The following MTFR1 variants were observed in gnomAD, a reference collection of about 807,000 sequenced individuals.
MTFR1 encodes mitochondrial fission regulator 1, also known as chondrocyte protein with a poly-proline region.
In MTFR1, 28 loss-of-function variants were observed where a neutral mutation model predicts 38.8. That is an observed-to-expected ratio of 0.72 (90% confidence interval 0.53 to 0.99). The LOEUF (loss-of-function observed/expected upper bound fraction) is 0.99. Among genes scored for constraint, MTFR1 ranks in the 50% least tolerant of loss-of-function variants. MTFR1 has a pLI of 0.00. For synonymous variants in MTFR1, 145 were observed against 137.0 expected (o/e 1.06, Z -0.41); for missense variants, 358 against 395.5 (o/e 0.91, Z 0.81).
At chr8:65,769,414 T>C (rs1808965378) in intron 3 of MTFR1, among the ~76,000 whole-genome samples, 1 of 152,204 alleles carries the variant, frequency 6.6e-6, no homozygotes, top group Non-Finnish European at 1.5e-5. Context: ...AAACTAACCC[T>C]GAGAGCATAT....
At chr8:65,749,064 C>T (rs958419957) in intron 3 of MTFR1, among the ~76,000 whole-genome samples, 1 of 152,182 alleles carries the variant, frequency 6.6e-6, no homozygotes, top group Non-Finnish European at 1.5e-5. Flanking sequence ...CTGTCACCTT[C>T]CCTGGGAAGC....
intron 4 of MTFR1, among the ~76,000 whole-genome samples, chr8:65,701,147 A>G (rs763507861): frequency 2.2e-4 from 33 of 152,264 alleles, no homozygotes; most frequent in Non-Finnish European, 3.8e-4. Flanking sequence ...TCTTTCTCTA[A>G]TATCTGCCCT....
chr8:65,683,132 C>CTTTTTTTTTTTTTTTT (rs748824241), intron 3 of MTFR1, among the ~76,000 whole-genome samples: 1 of 121,686 alleles, frequency 8.2e-6, no homozygotes, highest in Non-Finnish European at 1.7e-5. Context: ...TTCTTTCTTT[C>CTTTTTTTTTTTTTTTT]TTTTTTTTTT....
intron 3 of MTFR1, among the ~76,000 whole-genome samples, chr8:65,734,177 C>G (rs1807026881): frequency 6.6e-6 from 1 of 152,172 alleles, no homozygotes; most frequent in Admixed American, 6.5e-5. Flanking sequence ...TTCTGCTCTA[C>G]ATTCCTCCTC....
At chr8:65,724,196 T>C in intron 3 of MTFR1, 4 of 1,044,486 alleles carry the variant, frequency 3.8e-6, no homozygotes, top group Non-Finnish European at 6.0e-6. Flanking sequence ...ATTTTATTCT[T>C]ACGATGTTAA....
intron 3 of MTFR1, chr8:65,724,855 A>G (rs778699076): frequency 4.3e-6 from 7 of 1,611,440 alleles, no homozygotes; most frequent in Middle Eastern, 1.7e-4. Context: ...ACAAAGACAG[A>G]TACTCATTCT....
At chr8:65,650,039 A>C (rs1052965145) in intron 1 of MTFR1, among the ~76,000 whole-genome samples, 1 of 150,752 alleles carries the variant, frequency 6.6e-6, no homozygotes, top group Non-Finnish European at 1.5e-5. Context: ...GGGTTTCACT[A>C]CGTTGGCCAG....
At chr8:65,686,826 G>C (rs1805096967) in intron 3 of MTFR1, among the ~76,000 whole-genome samples, 1 of 151,706 alleles carries the variant, frequency 6.6e-6, no homozygotes, top group Admixed American at 6.6e-5. Flanking sequence ...AGGAGGCTGA[G>C]GCAGGAAGAA....
intron 3 of MTFR1, among the ~76,000 whole-genome samples, chr8:65,683,588 CAT>C (rs759471757): frequency 2.6e-5 from 4 of 152,192 alleles, no homozygotes; most frequent in East Asian, 3.9e-4. Flanking sequence ...AATAGATTAA[CAT>C]GTGGAGATGT....
chr8:65,745,948 G>C (rs1360686124), intron 3 of MTFR1, among the ~76,000 whole-genome samples: 2 of 147,472 alleles, frequency 1.4e-5, no homozygotes, highest in Non-Finnish European at 2.9e-5. Flanking sequence ...CTTTGAGACA[G>C]GGTCTCACAC....
At chr8:65,682,737 A>G (rs1804939323) in intron 3 of MTFR1, 1 of 984,182 alleles carries the variant, frequency 1.0e-6, no homozygotes, top group South Asian at 4.7e-5. Flanking sequence ...GACCTCAAAC[A>G]TAGGCTTTAT....
At chr8:65,644,937 G>A (rs1375745311) in intron 1 of MTFR1, among the ~76,000 whole-genome samples, 153 bp downstream of exon 1, 1 of 152,210 alleles carries the variant, frequency 6.6e-6, no homozygotes, top group Admixed American at 6.5e-5. Context: ...ATCCTGGGCC[G>A]GTTGAGTGTT....
chr8:65,772,963 G>A (rs906090851), downstream of MTFR1, among the ~76,000 whole-genome samples: 2 of 152,078 alleles, frequency 1.3e-5, no homozygotes, highest in Non-Finnish European at 2.9e-5. Flanking sequence ...AGCTGAGATC[G>A]TGCCACTGCA....
chr8:65,681,321 T>G (rs968014315), intron 2 of MTFR1, among the ~76,000 whole-genome samples: 1 of 152,178 alleles, frequency 6.6e-6, no homozygotes. Flanking sequence ...GGTTTTGCCA[T>G]GTTGGCCAGG....
At chr8:65,715,292 T>G (rs188035651), downstream of MTFR1, among the ~76,000 whole-genome samples, 1 of 152,004 alleles carries the variant, frequency 6.6e-6, no homozygotes, top group East Asian at 1.9e-4. Context: ...TCCCAGCACT[T>G]TGAGAGGCCA....
intron 5 of MTFR1, among the ~76,000 whole-genome samples, chr8:65,705,627 G>A (rs191385218): frequency 4.6e-5 from 7 of 152,324 alleles, no homozygotes; most frequent in East Asian, 3.9e-4. Context: ...TGTGTGGTAC[G>A]TGTTGGACTG....
At chr8:65,666,191 G>C (rs113668696) in intron 1 of MTFR1, among the ~76,000 whole-genome samples, 3 of 152,330 alleles carry the variant, frequency 2.0e-5, no homozygotes, top group Admixed American at 6.5e-5. Flanking sequence ...TGGATCACCT[G>C]AGGTCAGGTG....
chr8:65,668,582 G>A (rs1417662406), intron 1 of MTFR1, among the ~76,000 whole-genome samples: 3 of 146,896 alleles, frequency 2.0e-5, no homozygotes, highest in Admixed American at 6.9e-5. Context: ...GAGTGCAGTG[G>A]CGCTATTTGC....
intron 3 of MTFR1, chr8:65,727,333 GATATATC>G: frequency 1.9e-6 from 3 of 1,611,438 alleles, no homozygotes; most frequent in African/African-American, 1.3e-5. Flanking sequence ...ATGAATCACA[GATATATC>G]TAAAATAAGC....
Sources: allele counts gnomAD v4.1 joint callset (sites outside exome capture counted in the v4.1 genomes callset), GRCh38; gene constraint gnomAD v4.1.1; transcripts MANE v1.5; gene names NCBI Gene and HGNC (gene_info 2026-07-23, HGNC 2026-07-21).